Variants in APOLD1 observed in about 807,000 individuals in gnomAD.
APOLD1 encodes the protein apolipoprotein L domain-containing protein 1.
In APOLD1, 22 loss-of-function variants were observed where a neutral mutation model predicts 15.3. The observed-to-expected ratio is 1.44, with a 90% confidence interval of 1.03 to 2.05. The LOEUF (loss-of-function observed/expected upper bound fraction) is 2.05, where lower values mean the gene tolerates loss of function less well. APOLD1 is among the 30% of genes most tolerant of loss of function. The pLI, the probability that APOLD1 is intolerant of heterozygous loss-of-function variation, is 0.00. For synonymous variants in APOLD1, 190 were observed against 167.4 expected (o/e 1.13, Z -1.04); for missense variants, 394 against 353.5 (o/e 1.11, Z -0.92).
At chr12:12,763,267 C>G (rs911142539) in intron 1 of APOLD1, among the ~76,000 whole-genome samples, 9 of 151,712 alleles carry the variant, frequency 5.9e-5, no homozygotes, top group African/African-American at 2.2e-4. Context: ...TTTTTGTATG[C>G]GGCGAGAACA....
chr12:12,738,875 T>C (rs1175923535), intron 1 of APOLD1, among the ~76,000 whole-genome samples: 1 of 152,228 alleles, frequency 6.6e-6, no homozygotes, highest in African/African-American at 2.4e-5. Flanking sequence ...ACAGGAACTA[T>C]AGGCGATGCC....
At position 12,787,630 on chromosome 12, in the gene APOLD1, A is replaced by C; in HGVS notation, c.725A>C (p.Gln242Pro). The C allele has an allele frequency of 6.2e-7, 1 of 1,602,962 alleles. No individual in the cohort carries two copies. The highest frequency in any genetic ancestry group is 8.5e-7 in the Non-Finnish European group (1 of 1,177,382). Reference sequence around the variant, plus strand: ...CACGACCTCAAGATCTCTGCTGACCAGCGTGCAGGGCTGTTTTTCTGAGAA... The same window carrying C: ...CACGACCTCAAGATCTCTGCTGACCCGCGTGCAGGGCTGTTTTTCTGAGAA... ...RGHDLKISAD[Q>P]RAGLFF Residue 242 changes from glutamine to proline, a missense_variant, in exon 2 of 2, where the codon CAG (glutamine) becomes CCG (proline). Coordinates refer to ENST00000356591, the MANE Select transcript of APOLD1 (RefSeq NM_030817.3). This position sits in a 1 kb window ranked among gnomAD's most constrained non-coding sequence, Gnocchi z 4.9.
rs573917605 is a variant in APOLD1 at position 12,774,659 on chromosome 12, C to CA, written c.97-12249dup. ...GGGCCAATGACCTTAACAGGCACCT[C>CA]ACCAAAGAAGATATTGGTGGTAAAT... On this transcript the variant is annotated intron_variant, in intron 1 of 1. Coordinates refer to the APOLD1 transcript ENST00000326765. Among the ~76,000 whole-genome samples the CA allele has an allele frequency of 8.3e-4, 126 of 151,134 alleles. No individual in the cohort carries two copies. The Middle Eastern group carries it at 0.01, about 12-fold the overall frequency.
At chr12:12,726,125 G>T in intron 1 of APOLD1, 1 of 1,248,476 alleles carries the variant, frequency 8.0e-7, no homozygotes, top group Non-Finnish European at 1.1e-6. Context: ...GGAGGGTGGA[G>T]GTGGCCCGGA....
intron 1 of APOLD1, among the ~76,000 whole-genome samples, chr12:12,733,992 G>A (rs1040116964): frequency 9.9e-5 from 15 of 152,058 alleles, no homozygotes; most frequent in African/African-American, 3.4e-4. Flanking sequence ...CATTCTTTTC[G>A]GACATTAGCA....
At chr12:12,731,111 A>G (rs1296435542) in intron 1 of APOLD1, among the ~76,000 whole-genome samples, 1 of 152,262 alleles carries the variant, frequency 6.6e-6, no homozygotes, top group East Asian at 1.9e-4. Flanking sequence ...ACTGCACTCC[A>G]GCCTGGGCGA....
At position 12,741,312 on chromosome 12, in the gene APOLD1, T is replaced by A. The variant is rs1946728202; in HGVS notation, c.96+15216T>A. ...GTCTCAAACTCCTGGGCTCAAGTGA[T>A]CCTCCCATTTCAGCCTCCTGAGTAG... On this transcript the variant is annotated intron_variant, in intron 1 of 1. Coordinates refer to the APOLD1 transcript ENST00000326765. 2.0e-5 allele frequency among the ~76,000 whole-genome samples: 3 copies of A among 152,178 alleles called. No individual in the cohort carries two copies. In the South Asian group the frequency reaches 6.2e-4, roughly 32 times the overall value.
chr12:12,777,802 A>C (rs1427641453), intron 1 of APOLD1, among the ~76,000 whole-genome samples: 1 of 151,860 alleles, frequency 6.6e-6, no homozygotes, highest in Non-Finnish European at 1.5e-5. Flanking sequence ...CGGCAATTCC[A>C]AAGAACAAAC....
chr12:12,780,774 A>G (rs1565437557), upstream of APOLD1, among the ~76,000 whole-genome samples: 1 of 63,508 alleles, frequency 1.6e-5, no homozygotes, highest in Admixed American at 1.6e-4. Context: ...GTTTTTGTAG[A>G]GATGGGGTTT....
At chr12:12,749,716 G>C (rs185798762) in intron 1 of APOLD1, among the ~76,000 whole-genome samples, 81 of 152,262 alleles carry the variant, frequency 5.3e-4, no homozygotes, top group Admixed American at 3.7e-3. Context: ...AAACCTGTAG[G>C]GGGTATTTGG....
At chr12:12,773,505 T>G (rs1947003987) in intron 1 of APOLD1, among the ~76,000 whole-genome samples, 2 of 152,310 alleles carry the variant, frequency 1.3e-5, no homozygotes, top group African/African-American at 4.8e-5. Flanking sequence ...GAGGTTACAG[T>G]GAGCTATGAT....
intron 1 of APOLD1, among the ~76,000 whole-genome samples, chr12:12,744,022 T>A (rs1946745946): frequency 6.6e-6 from 1 of 152,158 alleles, no homozygotes; most frequent in African/African-American, 2.4e-5. Flanking sequence ...TGCAAGATAT[T>A]AAATTGATGA....
At chr12:12,773,892 G>GA (rs1156444900) in intron 1 of APOLD1, among the ~76,000 whole-genome samples, 1 of 152,024 alleles carries the variant, frequency 6.6e-6, no homozygotes, top group African/African-American at 2.4e-5. Context: ...TCCACATGCA[G>GA]AAAAAAATGA....
At chr12:12,750,773 CT>C (rs959596856) in intron 1 of APOLD1, among the ~76,000 whole-genome samples, 9 of 150,978 alleles carry the variant, frequency 6.0e-5, no homozygotes, top group Middle Eastern at 3.4e-3. Context: ...GTCACTGAAC[CT>C]TTTTTTTTTG....
At chr12:12,757,960 A>G (rs1339960891) in intron 1 of APOLD1, among the ~76,000 whole-genome samples, 1 of 104,512 alleles carries the variant, frequency 9.6e-6, no homozygotes, top group African/African-American at 4.0e-5. Flanking sequence ...TTTTTTTTTG[A>G]GACAGAGTCT....
At chr12:12,764,638 G>T in intron 1 of APOLD1, 1 of 464,512 alleles carries the variant, frequency 2.2e-6, no homozygotes, top group East Asian at 6.3e-5. Flanking sequence ...GGCTTTATTG[G>T]TTGATTTCTC....
chr12:12,733,903 C>T (rs775862575), intron 1 of APOLD1, among the ~76,000 whole-genome samples: 1 of 152,186 alleles, frequency 6.6e-6, no homozygotes, highest in Non-Finnish European at 1.5e-5. Flanking sequence ...CGCGCCCAGC[C>T]GGTATTTCAA....
At chr12:12,746,211 C>T (rs1946763474) in intron 1 of APOLD1, among the ~76,000 whole-genome samples, 1 of 151,128 alleles carries the variant, frequency 6.6e-6, no homozygotes, top group Non-Finnish European at 1.5e-5. Flanking sequence ...AAATCCTGTT[C>T]CAGGCCGGGT....
At chr12:12,776,372 C>A (rs1194543732) in intron 1 of APOLD1, among the ~76,000 whole-genome samples, 1 of 152,122 alleles carries the variant, frequency 6.6e-6, no homozygotes, top group Non-Finnish European at 1.5e-5. Flanking sequence ...AATGACTAAG[C>A]CTGAGAAAGG....
Sources: allele counts gnomAD v4.1 joint callset (sites outside exome capture counted in the v4.1 genomes callset), GRCh38; gene constraint gnomAD v4.1.1; non-coding constraint Gnocchi (gnomAD v3.1); transcripts MANE v1.5; gene names NCBI Gene and HGNC (gene_info 2026-07-23, HGNC 2026-07-21).